Variants in LEO1 observed in about 807,000 individuals in gnomAD.
LEO1 encodes RNA polymerase-associated protein LEO1.
Under a neutral mutation model 80.4 loss-of-function variants are expected in LEO1, and 34 were observed. The ratio of observed to expected loss-of-function variants is 0.42; its 90% confidence interval spans 0.32 to 0.56. The LOEUF is 0.56. Ranked by LOEUF, LEO1 falls within the 20% of genes least tolerant of loss-of-function variation. The pLI, the probability that LEO1 is intolerant of heterozygous loss-of-function variation, is 0.10. For missense variants in LEO1, 631 were observed against 814.2 expected (o/e 0.77, Z 2.74); for synonymous variants, 262 against 274.9 (o/e 0.95, Z 0.46).
At chr15:51,941,088 C>T (rs148366046) in intron 11 of LEO1, among the ~76,000 whole-genome samples, 44 of 151,016 alleles carry the variant, frequency 2.9e-4, no homozygotes, top group African/African-American at 4.4e-4. Context: ...AACAAACAAA[C>T]AAATAAATAA....
chr15:51,962,934 C>CCG (rs1555393534), intron 2 of LEO1, among the ~76,000 whole-genome samples: 5 of 150,382 alleles, frequency 3.3e-5, no homozygotes, highest in African/African-American at 7.3e-5. Context: ...TGCCCCCCCC[C>CCG]CAAAAAATTA....
intron 11 of LEO1, among the ~76,000 whole-genome samples, chr15:51,940,188 GAGGTT>G (rs1421218941): frequency 6.0e-5 from 9 of 149,916 alleles, no homozygotes; most frequent in Non-Finnish European, 1.3e-4. Context: ...CCAGGAGGTG[GAGGTT>G]GCAGTGGGCA....
intron 11 of LEO1, among the ~76,000 whole-genome samples, chr15:51,940,754 C>G (rs781613903): frequency 2.0e-5 from 3 of 150,130 alleles, no homozygotes; most frequent in Non-Finnish European, 4.4e-5. Context: ...GACATTTTGT[C>G]TTTACCAAAA....
intron 4 of LEO1, among the ~76,000 whole-genome samples, chr15:51,960,339 G>T (rs1163251969): frequency 6.6e-6 from 1 of 152,146 alleles, no homozygotes; most frequent in Non-Finnish European, 1.5e-5. Flanking sequence ...AACCAGAGAA[G>T]ATTATCAACA....
chr15:51,963,700 G>C (rs138602520), intron 2 of LEO1, among the ~76,000 whole-genome samples: 1 of 151,816 alleles, frequency 6.6e-6, no homozygotes, highest in Non-Finnish European at 1.5e-5. Flanking sequence ...TCAGGAGTTC[G>C]AGACCGGCCA....
chr15:51,962,538 T>G lies in LEO1; in HGVS notation c.815-45A>C, dbSNP rs775048193. 2.9e-6 allele frequency: 4 copies of G among 1,374,490 alleles called. No individual in the cohort carries two copies. In the Middle Eastern group the frequency reaches 5.4e-4, roughly 185 times the overall value. The allele number at this position is 1,374,490 out of a possible 1,614,324, so 85.1% of individuals were successfully genotyped here. ...AGTTCTGCATAATCAGTCGCATTAGTTGAATTTTGTGTTTTAAAAGCAATA... is the reference window on the plus strand; with the variant it reads ...AGTTCTGCATAATCAGTCGCATTAGGTGAATTTTGTGTTTTAAAAGCAATA... On this transcript the variant is annotated intron_variant, in intron 2 of 11. Transcript: ENST00000299601.
chr15:51,938,842 T>C (rs17539905), intron 11 of LEO1, among the ~76,000 whole-genome samples: 53,608 of 152,104 alleles, frequency 0.35, 10,003 homozygotes, highest in Middle Eastern at 0.43. Flanking sequence ...AGATAGAATT[T>C]GAACATGTCA....
chr15:51,964,292 T>C (rs2057057317), intron 2 of LEO1, among the ~76,000 whole-genome samples: 1 of 151,570 alleles, frequency 6.6e-6, no homozygotes, highest in Non-Finnish European at 1.5e-5. Flanking sequence ...CAGCAAACTA[T>C]CACAAGGACA....
At chr15:51,960,518 G>T in intron 4 of LEO1, 121 bp downstream of exon 4, 1 of 646,694 alleles carries the variant, frequency 1.5e-6, no homozygotes, top group South Asian at 1.9e-5. Flanking sequence ...AAAGTCATCT[G>T]TTCATGGTAT....
intron 1 of LEO1, among the ~76,000 whole-genome samples, chr15:51,970,221 A>G (rs2057111976): frequency 6.6e-6 from 1 of 152,140 alleles, no homozygotes; most frequent in Non-Finnish European, 1.5e-5. Context: ...AAGTGATGCA[A>G]TCTCAGCTCA....
chr15:51,962,550 T>C, intron 2 of LEO1, 57 bp from the exon 3 acceptor site: 1 of 1,252,760 alleles, frequency 8.0e-7, no homozygotes, highest in Non-Finnish European at 1.2e-6. Context: ...GAATTTTGTG[T>C]TTTAAAAGCA....
At chr15:51,947,883 C>T (rs1165950660) in intron 10 of LEO1, among the ~76,000 whole-genome samples, 2 of 152,122 alleles carry the variant, frequency 1.3e-5, no homozygotes, top group Non-Finnish European at 2.9e-5. Context: ...GGAAATGAAG[C>T]AGACTTACCC....
At chr15:51,939,648 A>G (rs2056831478) in intron 11 of LEO1, among the ~76,000 whole-genome samples, 2 of 152,250 alleles carry the variant, frequency 1.3e-5, no homozygotes, top group South Asian at 2.1e-4. Flanking sequence ...AGCACATTCA[A>G]TCACACTACT....
chr15:51,941,750 G>C (rs912707781), intron 11 of LEO1, among the ~76,000 whole-genome samples: 1 of 152,200 alleles, frequency 6.6e-6, no homozygotes, highest in African/African-American at 2.4e-5. Context: ...TGGTAACTTA[G>C]ACTCTGTTGG....
chr15:51,971,157 C>G (rs1388999424), intron 1 of LEO1, among the ~76,000 whole-genome samples: 3 of 152,146 alleles, frequency 2.0e-5, no homozygotes, highest in African/African-American at 7.2e-5. Context: ...CACATTCTCT[C>G]CTATGTGAAA....
chr15:51,963,982 G>A lies in LEO1; in HGVS notation c.815-1489C>T, dbSNP rs1349277995. 7.9e-5 allele frequency among the ~76,000 whole-genome samples: 12 copies of A among 151,884 alleles called. No homozygotes were observed. In the East Asian group the frequency reaches 2.3e-3, roughly 29 times the overall value. ...AGCACTTTGGGAGGCCGAAGCAGGC[G>A]GATCACGAGGTCAGGAGATCGAGAC... On this transcript the variant is annotated intron_variant, in intron 2 of 11. Coordinates refer to ENST00000299601, the MANE Select transcript of LEO1 (RefSeq NM_138792.4).
In LEO1 at chr15:51,954,478, C is replaced by T. The variant is rs774149708; in HGVS notation, c.1340+3G>A. On this transcript the variant is annotated splice_donor_region_variant and intron_variant, in intron 7 of 11. Coordinates refer to ENST00000299601, the MANE Select transcript of LEO1 (RefSeq NM_138792.4). ...CAATACCCTTCAGGCGTTTTGTGCTCACCTTCCATCTGACCACTTGACTAT... is the reference window on the plus strand; with the variant it reads ...CAATACCCTTCAGGCGTTTTGTGCTTACCTTCCATCTGACCACTTGACTAT... 5 of 1,604,496 alleles carry T rather than the reference C, an allele frequency of 3.1e-6. No individual in the cohort carries two copies. The highest frequency in any genetic ancestry group is 1.1e-5 in the South Asian group (1 of 90,888).
Position 51,971,737 on chromosome 15 carries a change from A to T in LEO1, c.9T>A (p.Asp3Glu). MA[D>E]MEDLFGSDAD... ...CGTCGCTCCCGAAGAGATCCTCCAT[A>T]TCCGCCATTATCGCTCACGTCCGCT... The change falls in exon 1 of 12, where the codon GAT (aspartate) becomes GAA (glutamate). Residue 3 changes from aspartate to glutamate, a missense_variant. Around this residue, in one of 4 missense-constraint regions of LEO1, gnomAD observed 394 missense variants for 395.6 expected, o/e 1.00. Transcript: ENST00000299601. 1 of 1,614,066 alleles carries T rather than the reference A, an allele frequency of 6.2e-7. No homozygotes were observed. The highest frequency in any genetic ancestry group is 8.5e-7 in the Non-Finnish European group (1 of 1,179,994).
intron 11 of LEO1, among the ~76,000 whole-genome samples, chr15:51,940,555 C>CA (rs199514660): frequency 2.5e-4 from 38 of 149,696 alleles, no homozygotes; most frequent in African/African-American, 8.6e-4. Context: ...AGCGAGACTC[C>CA]GTCTCAAAAA....
Sources: gnomAD v4.1 joint callset for allele counts (sites outside exome capture counted in the v4.1 genomes callset) on GRCh38, gnomAD v4.1.1 for gene constraint, gnomAD v4.1.1 regional missense constraint, MANE v1.5 for transcripts, NCBI Gene and HGNC (gene_info 2026-07-23, HGNC 2026-07-21) for gene names.